Variants in STC2 observed in about 807,000 individuals in gnomAD.
STC2 encodes stanniocalcin-2.
STC2 carries 7 observed loss-of-function variants against 22.7 expected under a neutral mutation model. The observed-to-expected ratio is 0.31, with a 90% CI of 0.18 to 0.58. The LOEUF (loss-of-function observed/expected upper bound fraction) is 0.58, where lower values mean the gene tolerates loss of function less well. Ranked by LOEUF, STC2 falls within the 20% of genes least tolerant of loss-of-function variation. The probability of loss-of-function intolerance (pLI) is 0.89; values close to 1 mark genes in which losing one functional copy is unlikely to be tolerated. For synonymous variants in STC2, 158 were observed against 163.4 expected, an observed-to-expected ratio of 0.97 and a Z score of 0.25; for missense variants, 336 against 406.2, an observed-to-expected ratio of 0.83 and a Z score of 1.48.
chr5:173,320,472 A>G (rs1762470879), intron 3 of STC2, among the ~76,000 whole-genome samples: 1 of 152,190 alleles, frequency 6.6e-6, no homozygotes, highest in African/African-American at 2.4e-5. Context: ...GTCTAATGAC[A>G]AAGTCCAGCT....
chr5:173,318,081 G>A lies in STC2; in HGVS notation c.675C>T (p.Arg225=), dbSNP rs779718787. The change falls in exon 4 of 4, where the codon CGC becomes CGT. Residue 225 remains arginine (R), a synonymous_variant. Transcript: ENST00000265087. ...GCTTGGTTCTGTCCACCTGGGGCTGGCGCTCGGGGGGCGCCGTGGGAGGCT... is the reference window on the plus strand; with the variant it reads ...GCTTGGTTCTGTCCACCTGGGGCTGACGCTCGGGGGGCGCCGTGGGAGGCT... ...IQKPPTAPPE[R]QPQVDRTKLS... The A allele has an allele frequency of 1.6e-5, 26 of 1,607,202 alleles. No individual in the cohort carries two copies.
intron 1 of STC2, among the ~76,000 whole-genome samples, 173 bp downstream of exon 1, chr5:173,327,870 C>A (rs1762569917): frequency 6.6e-6 from 1 of 152,236 alleles, no homozygotes; most frequent in Non-Finnish European, 1.5e-5. Context: ...CCCTCGGAGC[C>A]CGGCGCGGAC....
In STC2 at chr5:173,317,752, G is replaced by A; in HGVS notation, c.*95C>T. ...ACAGTCCCCACAGAATCCTGCGTGT[G>A]ACATCCCCCCTCTCTAATGGTAAAT... On this transcript the variant is annotated 3_prime_UTR_variant, in exon 4 of 4. Coordinates refer to ENST00000265087, the MANE Select transcript of STC2 (RefSeq NM_003714.3). The A allele has an allele frequency of 6.9e-7, 1 of 1,445,352 alleles. No homozygotes were observed. Among genetic ancestry groups the A allele is most frequent in the Non-Finnish European group, 9.2e-7 (1 of 1,085,412 alleles). The allele number at this position is 1,445,352 out of a possible 1,614,324, so 89.5% of individuals were successfully genotyped here.
rs1762417903 is a variant in STC2, at chr5:173,316,114, GC to G, written c.*1732del. 6.6e-6 allele frequency: 1 copy of G among 152,220 alleles called. No homozygotes were observed. The highest frequency in any genetic ancestry group is 1.5e-5 in the Non-Finnish European group (1 of 68,042). The allele number at this position is 152,220 out of a possible 1,614,324, so 9.4% of individuals were successfully genotyped here. ...TGAGTTGACGGATAAGGATGCATAT[GC>G]TTTTTGACCCACTCACTAGAACAGA... On this transcript the variant is annotated 3_prime_UTR_variant, in exon 4 of 4. Coordinates refer to ENST00000265087, the MANE Select transcript of STC2 (RefSeq NM_003714.3).
At position 173,323,512 on chromosome 5, in the gene STC2, T is replaced by C. The variant is rs1349724120; in HGVS notation, c.295-82A>G. On this transcript the variant is annotated intron_variant, in intron 2 of 3. Transcript: ENST00000265087. The surrounding 1 kb of genome is among the most constrained non-coding windows in gnomAD (Gnocchi z 5.4). ...ACATGCTTGGACATTTCAGCCCTTC[T>C]TGGGCTTACACAGGATATTTCTGAC... 45 of 1,326,478 alleles carry C rather than the reference T, an allele frequency of 3.4e-5. No homozygotes were observed. The highest frequency in any genetic ancestry group is 4.5e-5 in the Non-Finnish European group (43 of 954,686). The allele number at this position is 1,326,478 out of a possible 1,614,324, so 82.2% of individuals were successfully genotyped here. A position where few individuals can be genotyped will look rare whatever the true frequency, so the allele number is the denominator to read the frequency against.
chr5:173,325,794 C>G lies in STC2; in HGVS notation c.294+74G>C. On this transcript the variant is annotated intron_variant, in intron 2 of 3. Coordinates refer to ENST00000265087, the MANE Select transcript of STC2 (RefSeq NM_003714.3). This position sits in a 1 kb window ranked among gnomAD's most constrained non-coding sequence, Gnocchi z 4.7. ...AGGAACAGCAAAGGAAGTTGGTTAA[C>G]AAGGCTTTCCAATGAACGTTTCAAT... is the stretch of plus-strand genomic sequence containing the variant. 5.6e-6 allele frequency: 9 copies of G among 1,599,720 alleles called. No homozygotes were observed. Among genetic ancestry groups the G allele is most frequent in the East Asian group, 2.2e-5 (1 of 44,656 alleles).
rs1212680397 is a variant in STC2, at chr5:173,323,957, C to T, written c.295-527G>A. ...CTGATTGTACCTCCCTTTCTGCCTC[C>T]GTGCCTCCCACGCCCCAAATCCATA... On this transcript the variant is annotated intron_variant, in intron 2 of 3. Coordinates refer to ENST00000265087, the MANE Select transcript of STC2 (RefSeq NM_003714.3). This position sits in a 1 kb window ranked among gnomAD's most constrained non-coding sequence, Gnocchi z 5.4. The T allele has an allele frequency of 3.0e-5, 5 of 169,102 alleles. No individual in the cohort carries two copies. The highest frequency in any genetic ancestry group is 9.5e-5 in the African/African-American group (4 of 42,038). 10.5% of individuals were successfully genotyped at this position (169,102 alleles called of 1,614,324 possible). A position where few individuals can be genotyped will look rare whatever the true frequency, so the allele number is the denominator to read the frequency against.
In STC2 at chr5:173,317,766, C is replaced by G; in HGVS notation, c.*81G>C. ...ATCCTGCGTGTGACATCCCCCCTCT[C>G]TAATGGTAAATGTTTTGGAATGTCC... On this transcript the variant is annotated 3_prime_UTR_variant, in exon 4 of 4. Coordinates refer to ENST00000265087, the MANE Select transcript of STC2 (RefSeq NM_003714.3). 6.8e-7 allele frequency: 1 copy of G among 1,478,322 alleles called. No homozygotes were observed. The highest frequency in any genetic ancestry group is 9.0e-7 in the Non-Finnish European group (1 of 1,109,980). 91.6% of individuals were successfully genotyped at this position (1,478,322 alleles called of 1,614,324 possible).
chr5:173,318,231 C>A lies in STC2; in HGVS notation c.525G>T (p.Val175=). The change falls in exon 4 of 4, where the codon GTG becomes GTT. Residue 175 remains valine, a synonymous_variant. Transcript: ENST00000265087. ...CCTCCCCACAGGTCAGCAGCAAGTT[C>A]ACGAGGTCCACGTAGGGTCTAAAGA... ...LLLHEPYVDL[V]NLLLTCGEEV... is the part of the protein sequence containing the mutation. 6.7e-7 allele frequency: 1 copy of A among 1,493,664 alleles called. No homozygotes were observed. Among genetic ancestry groups the A allele is most frequent in the Non-Finnish European group, 8.9e-7 (1 of 1,119,340 alleles). 92.5% of individuals were successfully genotyped at this position (1,493,664 alleles called of 1,614,324 possible).
At chr5:173,322,168 G>C (rs746057285) in intron 3 of STC2, among the ~76,000 whole-genome samples, 1 of 152,160 alleles carries the variant, frequency 6.6e-6, no homozygotes, top group African/African-American at 2.4e-5. Context: ...AAATTATACC[G>C]ATTTGGCTCA....
rs1041607754 is a variant in STC2 at position 173,317,168 on chromosome 5, T to C, written c.*679A>G. On this transcript the variant is annotated 3_prime_UTR_variant, in exon 4 of 4. Transcript: ENST00000265087. ...AAGCAGTGGTTAAAATATAAACTCA[T>C]AGGGGCCACTCCCTTGGACAGTGTC... 6.6e-6 allele frequency: 1 copy of C among 152,450 alleles called. No individual in the cohort carries two copies. Among genetic ancestry groups the C allele is most frequent in the African/African-American group, 2.4e-5 (1 of 41,364 alleles). The allele number at this position is 152,450 out of a possible 1,614,324, so 9.4% of individuals were successfully genotyped here. A position where few individuals can be genotyped will look rare whatever the true frequency, so the allele number is the denominator to read the frequency against.
chr5:173,327,197 A>G (rs1762558470), intron 1 of STC2, among the ~76,000 whole-genome samples: 1 of 152,250 alleles, frequency 6.6e-6, no homozygotes, highest in Admixed American at 6.5e-5. Context: ...CGTGCATTCC[A>G]GCTCGTGCGG....
intron 1 of STC2, 125 bp from the exon 2 acceptor site, chr5:173,326,135 T>A: frequency 8.9e-7 from 1 of 1,129,146 alleles, no homozygotes; most frequent in East Asian, 2.4e-5. Context: ...GACTTAGTAA[T>A]GACTATTTCA....
At position 173,325,207 on chromosome 5, in the gene STC2, T is replaced by C. The variant is rs1762532767; in HGVS notation, c.294+661A>G. ...ATGCCACATGCCATCTAAAAATGTA[T>C]TTGCGTTGTTGGCACTGGAGCCATA... On this transcript the variant is annotated intron_variant, in intron 2 of 3. Transcript: ENST00000265087. The surrounding 1 kb of genome is among the most constrained non-coding windows in gnomAD (Gnocchi z 4.7). Among the ~76,000 whole-genome samples, 2 of 152,232 alleles carry C rather than the reference T, an allele frequency of 1.3e-5. No homozygotes were observed. Among genetic ancestry groups the C allele is most frequent in the African/African-American group, 4.8e-5 (2 of 41,460 alleles).
rs550401945 is a variant in STC2, at chr5:173,325,066, T to C, written c.294+802A>G. Among the ~76,000 whole-genome samples, 90 of 152,356 alleles carry C rather than the reference T, an allele frequency of 5.9e-4. No homozygotes were observed. Among genetic ancestry groups the C allele is most frequent in the African/African-American group, 2.1e-3 (86 of 41,580 alleles). ...AATCTCACCTAAGCTGATGGCCACCTCCAAATGTTGGCATTGCTCTCCAAT... is the reference window on the plus strand; with the variant it reads ...AATCTCACCTAAGCTGATGGCCACCCCCAAATGTTGGCATTGCTCTCCAAT... On this transcript the variant is annotated intron_variant, in intron 2 of 3. Transcript: ENST00000265087. The surrounding 1 kb of genome is among the most constrained non-coding windows in gnomAD (Gnocchi z 4.7).
chr5:173,314,927 C>G lies in STC2; in HGVS notation c.*2920G>C, dbSNP rs546538622. The G allele has an allele frequency of 2.6e-5, 4 of 152,112 alleles. No individual in the cohort carries two copies. Among genetic ancestry groups the G allele is most frequent in the Admixed American group, 6.6e-5 (1 of 15,266 alleles). The allele number at this position is 152,112 out of a possible 1,614,324, so 9.4% of individuals were successfully genotyped here. On this transcript the variant is annotated 3_prime_UTR_variant, in exon 4 of 4. Coordinates refer to ENST00000265087, the MANE Select transcript of STC2 (RefSeq NM_003714.3). The surrounding 1 kb of genome is among the most constrained non-coding windows in gnomAD (Gnocchi z 4.6). ...GTTTTTCCATGCTATTTCCGTGAAG[C>G]CTTTTGCTTGGTTCGAGTTTAAATT...
chr5:173,324,724 G>A (rs530324024), intron 2 of STC2, among the ~76,000 whole-genome samples: 6 of 152,324 alleles, frequency 3.9e-5, no homozygotes, highest in Non-Finnish European at 7.4e-5. Flanking sequence ...GAATTTATGC[G>A]AGGGCTGTGG....
chr5:173,325,166 G>A lies in STC2; in HGVS notation c.294+702C>T, dbSNP rs1012030177. On this transcript the variant is annotated intron_variant, in intron 2 of 3. Coordinates refer to ENST00000265087, the MANE Select transcript of STC2 (RefSeq NM_003714.3). This position sits in a 1 kb window ranked among gnomAD's most constrained non-coding sequence, Gnocchi z 4.7. ...GCATATAAGTGGCCAGGGAGAACAC[G>A]AAGAAGGTGAGTCTGATGCCACATG... 2.0e-5 allele frequency among the ~76,000 whole-genome samples: 3 copies of A among 152,216 alleles called. No individual in the cohort carries two copies. The highest frequency in any genetic ancestry group is 1.3e-4 in the Admixed American group (2 of 15,284).
rs181859438 is a variant in STC2, at chr5:173,319,151, G to T, written c.507-902C>A. Among the ~76,000 whole-genome samples, 807 of 152,348 alleles carry T rather than the reference G, an allele frequency of 5.3e-3. 10 individuals carry two copies. The highest frequency in any genetic ancestry group is 0.018 in the African/African-American group (742 of 41,566). ...CCTCAGGCCATTCCGGTTGTCTTGG[G>T]TTGTTCTGTAGGAAAACCACTGGAA... On this transcript the variant is annotated intron_variant, in intron 3 of 3. Transcript: ENST00000265087.
Sources: allele counts gnomAD v4.1 joint callset (sites outside exome capture counted in the v4.1 genomes callset), GRCh38; gene constraint gnomAD v4.1.1; non-coding constraint Gnocchi (gnomAD v3.1); transcripts MANE v1.5; gene names NCBI Gene and HGNC (gene_info 2026-07-23, HGNC 2026-07-21).